OSBPL6: variants seen among roughly 807,000 people sequenced by gnomAD.
OSBPL6 encodes oxysterol binding protein like 6.
Under a neutral mutation model 125.8 loss-of-function variants are expected in OSBPL6, and 49 were observed. The ratio of observed to expected loss-of-function variants is 0.39; its 90% CI spans 0.31 to 0.49. The LOEUF is 0.49. Ranked by LOEUF, OSBPL6 falls within the 20% of genes least tolerant of loss-of-function variation. The probability of loss-of-function intolerance (pLI) is 0.88; values close to 1 mark genes in which losing one functional copy is unlikely to be tolerated. For missense variants in OSBPL6, 986 were observed against 1,135.4 expected (o/e 0.87, Z 1.89); for synonymous variants, 394 against 391.8 (o/e 1.01, Z -0.07).
chr2:178,370,505 C>T (rs1218283502), intron 13 of OSBPL6, among the ~76,000 whole-genome samples: 2 of 152,080 alleles, frequency 1.3e-5, no homozygotes, highest in East Asian at 1.9e-4. Flanking sequence ...AATGCAGTGT[C>T]GTTGCTGGGT....
intron 13 of OSBPL6, among the ~76,000 whole-genome samples, chr2:178,363,756 A>C (rs747277816): frequency 4.6e-5 from 7 of 152,230 alleles, no homozygotes; most frequent in Non-Finnish European, 1.0e-4. Flanking sequence ...ATTTGCATCT[A>C]AAGTTAGAGC....
At chr2:178,368,889 C>G (rs779586122) in intron 13 of OSBPL6, among the ~76,000 whole-genome samples, 2 of 151,320 alleles carry the variant, frequency 1.3e-5, no homozygotes, top group African/African-American at 4.9e-5. Flanking sequence ...GCCTCCACCT[C>G]GAGTTAAAGT....
At chr2:178,324,370 G>T in intron 4 of OSBPL6, 101 bp downstream of exon 4, 1 of 812,976 alleles carries the variant, frequency 1.2e-6, no homozygotes, top group Non-Finnish European at 1.9e-6. Flanking sequence ...TAAAATACTT[G>T]TGATGCCACT....
At chr2:178,288,724 C>A (rs1209925253) in intron 2 of OSBPL6, among the ~76,000 whole-genome samples, 1 of 151,656 alleles carries the variant, frequency 6.6e-6, no homozygotes, top group African/African-American at 2.4e-5. Context: ...TCTCAGCTCA[C>A]TACAACCTCT....
chr2:178,285,115 G>A lies in OSBPL6; in HGVS notation c.-162G>A. On this transcript the variant is annotated 5_prime_UTR_variant, in exon 2 of 25. In the 5' UTR this introduces an upstream ATG that the reference lacks. Transcript: ENST00000190611. ...TGACTTGGAAGACTTTGACTCCAAG[G>A]TGCAAGGTGAGTTAGAAGAACACAA... 2.5e-6 allele frequency: 1 copy of A among 398,462 alleles called. No homozygotes were observed. The highest frequency in any genetic ancestry group is 4.4e-6 in the Non-Finnish European group (1 of 225,956). 24.7% of individuals were successfully genotyped at this position (398,462 alleles called of 1,614,324 possible). A position where few individuals can be genotyped will look rare whatever the true frequency, so the allele number is the denominator to read the frequency against.
intron 8 of OSBPL6, among the ~76,000 whole-genome samples, chr2:178,334,204 G>A (rs1163432420): frequency 6.6e-6 from 1 of 152,160 alleles, no homozygotes; most frequent in African/African-American, 2.4e-5. Flanking sequence ...ACTGCGCAGG[G>A]GTGCTCCGCC....
At chr2:178,391,660 A>G (rs1695416159) in intron 22 of OSBPL6, among the ~76,000 whole-genome samples, 1 of 152,242 alleles carries the variant, frequency 6.6e-6, no homozygotes, top group Admixed American at 6.5e-5. Context: ...TTTTCACTTG[A>G]GCCTCAAGAG....
At chr2:178,380,681 G>A (rs1335229019) in intron 15 of OSBPL6, among the ~76,000 whole-genome samples, 2 of 152,044 alleles carry the variant, frequency 1.3e-5, no homozygotes, top group East Asian at 1.9e-4. Context: ...AAATTTTAAT[G>A]TAATCACCAG....
At chr2:178,383,400 G>T (rs1694662993) in intron 17 of OSBPL6, 123 bp downstream of exon 17, 3 of 1,363,738 alleles carry the variant, frequency 2.2e-6, no homozygotes, top group East Asian at 2.5e-5. Context: ...AGTAAAAGAG[G>T]AATTGATCTG....
chr2:178,202,644 A>T (rs1267187584), intron 1 of OSBPL6, among the ~76,000 whole-genome samples: 1 of 152,068 alleles, frequency 6.6e-6, no homozygotes, highest in African/African-American at 2.4e-5. Context: ...CAACATGGTG[A>T]AACCCTGTCT....
intron 3 of OSBPL6, among the ~76,000 whole-genome samples, chr2:178,310,412 C>CTTTTTTTTT (rs71023440): frequency 1.1e-4 from 9 of 85,688 alleles, no homozygotes; most frequent in African/African-American, 3.8e-4. Context: ...AAACTGAACT[C>CTTTTTTTTT]TTTTTTTTTT....
chr2:178,269,609 A>G (rs750959439), intron 1 of OSBPL6, among the ~76,000 whole-genome samples: 3 of 152,146 alleles, frequency 2.0e-5, no homozygotes, highest in African/African-American at 7.2e-5. Flanking sequence ...AACCCAAGGG[A>G]GGGAGGGAAT....
chr2:178,281,579 T>C (rs868462700), intron 1 of OSBPL6, among the ~76,000 whole-genome samples: 3 of 152,196 alleles, frequency 2.0e-5, no homozygotes, highest in Non-Finnish European at 2.9e-5. Context: ...CCCATAGTTG[T>C]TGACGTGCAG....
At chr2:178,260,785 G>C (rs781487504) in intron 1 of OSBPL6, among the ~76,000 whole-genome samples, 47 of 152,114 alleles carry the variant, frequency 3.1e-4, no homozygotes, top group Non-Finnish European at 5.9e-4. Flanking sequence ...AAAAATCCTA[G>C]TTCTCAATGA....
chr2:178,213,113 G>C lies in OSBPL6; in HGVS notation c.-351+18439G>C, dbSNP rs563827552. Among the ~76,000 whole-genome samples the C allele has an allele frequency of 2.0e-5, 3 of 151,958 alleles. No individual in the cohort carries two copies. In the East Asian group the frequency reaches 5.8e-4, roughly 30 times the overall value. The stretch of plus-strand genomic sequence containing the variant: ...TGAGCCAACACGCCCGGCCGAGCAC[G>C]GACCCTCTTGATTGCTCCTCTTTAG... On this transcript the variant is annotated intron_variant, in intron 1 of 24. Transcript: ENST00000190611.
chr2:178,382,603 C>CACCCCT (rs1185174067), intron 16 of OSBPL6, 96 bp downstream of exon 16: 44 of 1,562,544 alleles, frequency 2.8e-5, no homozygotes, highest in Middle Eastern at 1.7e-4. Flanking sequence ...ACGCCACCCC[C>CACCCCT]ACCCCTGCTA....
chr2:178,270,229 G>C (rs2092346733), intron 1 of OSBPL6, among the ~76,000 whole-genome samples: 1 of 152,154 alleles, frequency 6.6e-6, no homozygotes, highest in Non-Finnish European at 1.5e-5. Flanking sequence ...TATCAAAGAT[G>C]ACCTCTTATT....
chr2:178,359,627 C>T (rs1207522957), intron 12 of OSBPL6, among the ~76,000 whole-genome samples: 1 of 152,186 alleles, frequency 6.6e-6, no homozygotes, highest in Non-Finnish European at 1.5e-5. Context: ...GCATTATTCA[C>T]AATAGCCAAA....
At position 178,382,488 on chromosome 2, in the gene OSBPL6, A is replaced by G. The variant is rs756464158; in HGVS notation, c.1602A>G (p.Ala534=). The G allele has an allele frequency of 6.2e-7, 1 of 1,614,144 alleles. No homozygotes were observed. Among genetic ancestry groups the G allele is most frequent in the South Asian group, 1.1e-5 (1 of 91,076 alleles). The change falls in exon 16 of 25, where the codon GCA becomes GCG. Residue 534 remains alanine, a synonymous_variant. Transcript: ENST00000190611. ...DNISEDNTSV[A]DNISRQILNG... ...TATCTGAAGACAACACCAGTGTTGC[A>G]GACAATATTTCTCGGCAAAGTATGC... is the stretch of plus-strand genomic sequence containing the variant.
Sources: allele counts gnomAD v4.1 joint callset (sites outside exome capture counted in the v4.1 genomes callset), GRCh38; gene constraint gnomAD v4.1.1; transcripts MANE v1.5; gene names NCBI Gene and HGNC (gene_info 2026-07-23, HGNC 2026-07-21).